CNTN6: variants seen among roughly 807,000 people sequenced by gnomAD.
The protein encoded by CNTN6 is contactin 6, also known as contactin-6.
A neutral mutation model predicts 122.8 loss-of-function variants in CNTN6; 137 were observed. The observed-to-expected ratio is 1.12, with a 90% confidence interval of 0.97 to 1.29. The LOEUF is 1.29. CNTN6 is among the 50% of genes most tolerant of loss of function. The probability of loss-of-function intolerance (pLI) is 0.00; values close to 1 mark genes in which losing one functional copy is unlikely to be tolerated. For synonymous variants in CNTN6, 570 were observed against 426.0 expected (o/e 1.34, Z -4.16); for missense variants, 1,634 against 1,223.4 (o/e 1.34, Z -5.01).
In CNTN6 at chr3:1,385,784, C is replaced by G. The variant is rs371067314; in HGVS notation, c.2691C>G (p.Thr897=). ...TGPSSPPVNV[T]TKKSPPSQPP... ...CCTCAAGCCCCCCAGTCAATGTTAC[C>G]ACCAAAAAGTCTCGTAAGTATGCAT... Residue 897 remains threonine (T), a synonymous_variant, in exon 20 of 23, where the codon ACC becomes ACG. Transcript: ENST00000446702. 1 of 1,608,982 alleles carries G rather than the reference C, an allele frequency of 6.2e-7. No individual in the cohort carries two copies. Among genetic ancestry groups the G allele is most frequent in the South Asian group, 1.1e-5 (1 of 90,312 alleles).
intron 12 of CNTN6, among the ~76,000 whole-genome samples, chr3:1,359,839 G>T (rs2126100097): frequency 6.6e-6 from 1 of 152,100 alleles, no homozygotes; most frequent in East Asian, 1.9e-4. Flanking sequence ...CTCTGTCCAA[G>T]GTTTATTTCA....
At chr3:1,134,223 C>T (rs1420483403) in intron 1 of CNTN6, among the ~76,000 whole-genome samples, 1 of 152,140 alleles carries the variant, frequency 6.6e-6, no homozygotes, top group East Asian at 1.9e-4. Flanking sequence ...AGCATCTCGA[C>T]TTTTATACTT....
chr3:1,327,227 C>G (rs1559833368), intron 9 of CNTN6, among the ~76,000 whole-genome samples: 1 of 151,806 alleles, frequency 6.6e-6, no homozygotes, highest in Non-Finnish European at 1.5e-5. Flanking sequence ...CAAAGTATGT[C>G]AATTGTCAAA....
At chr3:1,279,038 C>T (rs998618489) in intron 5 of CNTN6, among the ~76,000 whole-genome samples, 2 of 152,118 alleles carry the variant, frequency 1.3e-5, no homozygotes, top group African/African-American at 4.8e-5. Context: ...GAAGCAAATT[C>T]CAACTAACAC....
chr3:1,370,986 T>C (rs1385433118), intron 12 of CNTN6, among the ~76,000 whole-genome samples: 2 of 152,190 alleles, frequency 1.3e-5, no homozygotes, highest in Non-Finnish European at 2.9e-5. Flanking sequence ...TTCAGAACTA[T>C]AGCGTGTGTT....
At chr3:1,305,476 G>A (rs993649054) in intron 7 of CNTN6, among the ~76,000 whole-genome samples, 1 of 152,110 alleles carries the variant, frequency 6.6e-6, no homozygotes, top group African/African-American at 2.4e-5. Flanking sequence ...TATGAAAGCT[G>A]CAAATTAATT....
chr3:1,345,837 A>G (rs2126053483), intron 11 of CNTN6, among the ~76,000 whole-genome samples: 1 of 152,254 alleles, frequency 6.6e-6, no homozygotes, highest in Non-Finnish European at 1.5e-5. Context: ...TATCAGTAAA[A>G]TTAGAGAATC....
intron 12 of CNTN6, among the ~76,000 whole-genome samples, chr3:1,371,453 G>T (rs951448677): frequency 5.1e-4 from 77 of 151,964 alleles, no homozygotes; most frequent in African/African-American, 1.8e-3. Flanking sequence ...TATTTGTCCA[G>T]GGCCCCTTCA....
intron 4 of CNTN6, among the ~76,000 whole-genome samples, chr3:1,274,720 T>G (rs1234367985): frequency 6.6e-6 from 1 of 152,144 alleles, no homozygotes; most frequent in African/African-American, 2.4e-5. Flanking sequence ...ATATTTAACT[T>G]GTATTTTTAG....
chr3:1,251,957 C>G (rs2094678468), intron 4 of CNTN6, among the ~76,000 whole-genome samples: 1 of 152,142 alleles, frequency 6.6e-6, no homozygotes, highest in African/African-American at 2.4e-5. Context: ...ATCTGGCACT[C>G]TGACTAACTA....
At chr3:1,163,309 C>T (rs3772370) in intron 2 of CNTN6, among the ~76,000 whole-genome samples, 23,628 of 152,072 alleles carry the variant, frequency 0.16, 2,108 homozygotes, top group East Asian at 0.25. Flanking sequence ...TTATCAAGAG[C>T]ATCACTGAAG....
intron 2 of CNTN6, among the ~76,000 whole-genome samples, chr3:1,203,280 A>T (rs974798682): frequency 1.3e-5 from 2 of 152,242 alleles, no homozygotes; most frequent in Non-Finnish European, 2.9e-5. Context: ...GCTCACAAAG[A>T]ACCAGGAAAT....
At chr3:1,130,580 C>T (rs1053756722) in intron 1 of CNTN6, among the ~76,000 whole-genome samples, 2 of 152,138 alleles carry the variant, frequency 1.3e-5, no homozygotes, top group African/African-American at 2.4e-5. Context: ...GTTGATGACA[C>T]TGGCAAATGG....
chr3:1,383,598 T>C lies in CNTN6; in HGVS notation c.2517+190T>C, dbSNP rs552488998. Among the ~76,000 whole-genome samples the C allele has an allele frequency of 5.3e-5, 8 of 152,248 alleles. No individual in the cohort carries two copies. The South Asian group carries it at 1.7e-3, about 32-fold the overall frequency. On this transcript the variant is annotated intron_variant, in intron 19 of 22. Transcript: ENST00000446702. ...TGAGAGGCTTAGCCTGGGATGTTTC[T>C]TGTCCTCGCTCAAGACAGAATTCGA...
At chr3:1,394,462 G>T in intron 20 of CNTN6, 1 of 157,754 alleles carries the variant, frequency 6.3e-6, no homozygotes, top group Non-Finnish European at 1.4e-5. Context: ...CTGGGTGACG[G>T]GTTGACAGTG....
chr3:1,190,577 C>T (rs2093687532), intron 2 of CNTN6, among the ~76,000 whole-genome samples: 1 of 152,020 alleles, frequency 6.6e-6, no homozygotes, highest in Non-Finnish European at 1.5e-5. Flanking sequence ...AAAATGGGTG[C>T]CTTGCAGAGG....
intron 20 of CNTN6, among the ~76,000 whole-genome samples, chr3:1,390,699 C>T (rs1202197585): frequency 6.6e-6 from 1 of 151,924 alleles, no homozygotes; most frequent in Non-Finnish European, 1.5e-5. Context: ...ATCAAATAGA[C>T]ACAATAAAAA....
chr3:1,135,949 G>A (rs1375810134), intron 1 of CNTN6, among the ~76,000 whole-genome samples: 12 of 152,198 alleles, frequency 7.9e-5, no homozygotes, highest in South Asian at 4.1e-4. Flanking sequence ...CCGAGATTGC[G>A]CCACTGCACT....
intron 1 of CNTN6, among the ~76,000 whole-genome samples, chr3:1,120,931 A>G (rs1441424768): frequency 2.0e-5 from 3 of 149,938 alleles, no homozygotes; most frequent in Non-Finnish European, 3.0e-5. Context: ...CTTTTATCTA[A>G]TGGTAGAGTA....
Sources: gnomAD v4.1 joint callset for allele counts (sites outside exome capture counted in the v4.1 genomes callset) on GRCh38, gnomAD v4.1.1 for gene constraint, MANE v1.5 for transcripts, NCBI Gene and HGNC (gene_info 2026-07-23, HGNC 2026-07-21) for gene names.